Variants in ASCC2 observed in about 807,000 individuals in gnomAD.
The protein encoded by ASCC2 is ASC-1 complex subunit P100.
ASCC2 carries 42 observed loss-of-function variants against 93.5 expected under a neutral mutation model. The observed-to-expected ratio is 0.45, with a 90% confidence interval of 0.35 to 0.58. The LOEUF is 0.58. Ranked by LOEUF, ASCC2 falls within the 20% of genes least tolerant of loss-of-function variation. The pLI, the probability that ASCC2 is intolerant of heterozygous loss-of-function variation, is 0.00. For synonymous variants in ASCC2, 364 were observed against 384.2 expected (o/e 0.95, Z 0.62); for missense variants, 859 against 977.6 (o/e 0.88, Z 1.62).
intron 5 of ASCC2, chr22:29,816,846 A>G (rs2148024012): frequency 1.3e-5 from 2 of 152,282 alleles, no homozygotes; most frequent in East Asian, 3.9e-4. Context: ...GATCACAGCT[A>G]GCTTGGGGAC....
At chr22:29,835,602 T>C (rs1420287302) in intron 1 of ASCC2, among the ~76,000 whole-genome samples, 3 of 152,178 alleles carry the variant, frequency 2.0e-5, no homozygotes, top group Non-Finnish European at 4.4e-5. Context: ...CTCTAACTTT[T>C]GATTGCCTCT....
intron 7 of ASCC2, 83 bp from the exon 8 acceptor site, chr22:29,813,625 G>T: frequency 1.1e-6 from 1 of 924,714 alleles, no homozygotes; most frequent in Non-Finnish European, 1.7e-6. Context: ...CATTAAAACA[G>T]TCAGGGTCCC....
chr22:29,806,089 G>C (rs911350653), intron 12 of ASCC2, 127 bp downstream of exon 12: 4 of 1,019,994 alleles, frequency 3.9e-6, no homozygotes, highest in Non-Finnish European at 3.0e-6. Flanking sequence ...AGGCCACCTC[G>C]GACAGCTGGC....
chr22:29,833,738 TG>T (rs1183469313), intron 1 of ASCC2: 5 of 401,132 alleles, frequency 1.2e-5, no homozygotes, highest in African/African-American at 2.1e-5. Flanking sequence ...AGACAGAGGC[TG>T]GGGTGATTAA....
chr22:29,812,374 CCTTT>C (rs1411918676), intron 8 of ASCC2, among the ~76,000 whole-genome samples: 1 of 152,202 alleles, frequency 6.6e-6, no homozygotes, highest in African/African-American at 2.4e-5. Context: ...CACACCCACC[CCTTT>C]CTTACTGCAC....
chr22:29,791,531 A>C (rs1014395988), intron 18 of ASCC2, among the ~76,000 whole-genome samples: 8 of 152,100 alleles, frequency 5.3e-5, no homozygotes, highest in African/African-American at 1.9e-4. Flanking sequence ...AATACAAAAA[A>C]TTAGCCAGGC....
At position 29,806,797 on chromosome 22, in the gene ASCC2, C is replaced by G; in HGVS notation, c.1016G>C (p.Ser339Thr). 6.2e-7 allele frequency: 1 copy of G among 1,609,010 alleles called. No individual in the cohort carries two copies. The highest frequency in any genetic ancestry group is 8.5e-7 in the Non-Finnish European group (1 of 1,175,394). ...CAGGAGGCAATTCGTGAGGGCTTACCTGCTTTCTAGGATGGGAAGGAGGCA... is the reference window on the plus strand; with the variant it reads ...CAGGAGGCAATTCGTGAGGGCTTACGTGCTTTCTAGGATGGGAAGGAGGCA... ...QICLLPILESSCDNIQGFIEE... is the reference protein window; with the variant it reads ...QICLLPILESTCDNIQGFIEE... The change falls in exon 10 of 20, where the codon AGC (serine) becomes ACC (threonine). Residue 339 changes from serine (S) to threonine (T), a missense_variant and splice_region_variant. Coordinates refer to ENST00000307790, the MANE Select transcript of ASCC2 (RefSeq NM_032204.5).
At position 29,814,635 on chromosome 22, in the gene ASCC2, C is replaced by T. The variant is rs186495427; in HGVS notation, c.720+22G>A. 95 of 1,569,784 alleles carry T rather than the reference C, an allele frequency of 6.1e-5. No individual in the cohort carries two copies. In the African/African-American group the frequency reaches 1.2e-3, roughly 20 times the overall value. ...TTGGAGGGACCCGGCAGGAAAGAGA[C>T]TGGGCCGAAGGGCAACCTTACCAGG... On this transcript the variant is annotated intron_variant, in intron 7 of 19. Transcript: ENST00000307790.
chr22:29,794,085 A>G (rs1007464900), intron 15 of ASCC2, among the ~76,000 whole-genome samples: 1 of 151,574 alleles, frequency 6.6e-6, no homozygotes, highest in African/African-American at 2.4e-5. Flanking sequence ...GAGTTTCACC[A>G]TGTTGGCCAG....
chr22:29,790,509 T>C lies in ASCC2; in HGVS notation c.2062A>G (p.Lys688Glu). Residue 688 changes from lysine (K) to glutamate (E), a missense_variant, in exon 19 of 20, where the codon AAG becomes GAG. Coordinates refer to ENST00000307790, the MANE Select transcript of ASCC2 (RefSeq NM_032204.5). ...AAGGCCATGCGCCTGGCTTCTGCCT[T>C]CTCTCTCAGCACTGCAGGGTCCTGA... The part of the protein sequence containing the change: ...FVQDPAVLRE[K>E]AEARRMAFLA... 2 of 1,614,102 alleles carry C rather than the reference T, an allele frequency of 1.2e-6. No homozygotes were observed. Among genetic ancestry groups the C allele is most frequent in the Non-Finnish European group, 1.7e-6 (2 of 1,180,014 alleles).
intron 14 of ASCC2, among the ~76,000 whole-genome samples, 168 bp downstream of exon 14, chr22:29,801,826 T>A (rs1242256313): frequency 6.6e-6 from 1 of 152,176 alleles, no homozygotes; most frequent in Non-Finnish European, 1.5e-5. Context: ...GAAAAACTCC[T>A]GCGGGGCCTA....
intron 4 of ASCC2, among the ~76,000 whole-genome samples, chr22:29,824,487 A>G (rs931597323): frequency 6.6e-6 from 1 of 151,750 alleles, no homozygotes; most frequent in Non-Finnish European, 1.5e-5. Flanking sequence ...ATGATGGTGC[A>G]TGCCTGTATC....
rs531563352 is a variant in ASCC2, at chr22:29,808,274, A to C, written c.834-89T>G. On this transcript the variant is annotated intron_variant, in intron 8 of 19. Coordinates refer to ENST00000307790, the MANE Select transcript of ASCC2 (RefSeq NM_032204.5). ...TCAAAGCAAACCCCAGGGAGTGGGA[A>C]GGCCCATTTCTTTTTCCACACAATT... 91 of 1,346,394 alleles carry C rather than the reference A, an allele frequency of 6.8e-5. 1 individual carries two copies. In the East Asian group the frequency reaches 7.6e-4, roughly 11 times the overall value. The allele number at this position is 1,346,394 out of a possible 1,614,324, so 83.4% of individuals were successfully genotyped here.
intron 15 of ASCC2, among the ~76,000 whole-genome samples, chr22:29,795,331 G>C (rs1256979057): frequency 6.6e-6 from 1 of 152,016 alleles, no homozygotes; most frequent in Admixed American, 6.6e-5. Context: ...CAAAATGCTG[G>C]GATTACAGGT....
chr22:29,802,292 C>T lies in ASCC2; in HGVS notation c.1354-84G>A, dbSNP rs935190758. On this transcript the variant is annotated intron_variant, in intron 13 of 19. Coordinates refer to ENST00000307790, the MANE Select transcript of ASCC2 (RefSeq NM_032204.5). Reference sequence around the variant, plus strand: ...AGGCCCCAGACAGCACTGGACTAGGCATCAGGGATCTGGTTCAAGTCCTGG... The same window carrying T: ...AGGCCCCAGACAGCACTGGACTAGGTATCAGGGATCTGGTTCAAGTCCTGG... The T allele has an allele frequency of 5.4e-5, 73 of 1,363,494 alleles. No individual in the cohort carries two copies. The Middle Eastern group carries it at 1.0e-3, about 19-fold the overall frequency. The allele number at this position is 1,363,494 out of a possible 1,614,324, so 84.5% of individuals were successfully genotyped here.
At chr22:29,837,075 T>C (rs1281044004) in intron 1 of ASCC2, among the ~76,000 whole-genome samples, 1 of 152,166 alleles carries the variant, frequency 6.6e-6, no homozygotes, top group Non-Finnish European at 1.5e-5. Flanking sequence ...AAGAGAGACC[T>C]GGCTTGAGGA....
At chr22:29,806,718 C>T in intron 10 of ASCC2, 79 bp downstream of exon 10, 2 of 1,470,270 alleles carry the variant, frequency 1.4e-6, no homozygotes, top group Non-Finnish European at 1.9e-6. Context: ...TGGAGGAAGC[C>T]AAGATGAAAT....
At chr22:29,828,146 CA>C in intron 2 of ASCC2, among the ~76,000 whole-genome samples, 1 of 152,334 alleles carries the variant, frequency 6.6e-6, no homozygotes, top group Middle Eastern at 3.4e-3. Context: ...CTTCCCAGAG[CA>C]AGCAGACTTC....
chr22:29,802,201 C>A lies in ASCC2; in HGVS notation c.1361G>T (p.Gly454Val), dbSNP rs1272530856. The change falls in exon 14 of 20, where the codon GGA (glycine) becomes GTA (valine). Residue 454 changes from glycine to valine, a missense_variant. Gly to Val is a moderately radical substitution (Grantham distance 109, BLOSUM62 -3). Coordinates refer to ENST00000307790, the MANE Select transcript of ASCC2 (RefSeq NM_032204.5). ...GGCAGGGCCCACAGCCGCGGCTGCT[C>A]CCATGCACTGTAGTGAGAGCCAGAG... is the stretch of plus-strand genomic sequence containing the variant. ...PENSEEEECMGAAAAVGPAMC... is the reference protein window; with the variant it reads ...PENSEEEECMVAAAAVGPAMC... The A allele has an allele frequency of 4.3e-6, 7 of 1,613,854 alleles. No individual in the cohort carries two copies. Among genetic ancestry groups the A allele is most frequent in the Non-Finnish European group, 5.9e-6 (7 of 1,180,028 alleles).
Sources: allele counts gnomAD v4.1 joint callset (sites outside exome capture counted in the v4.1 genomes callset), GRCh38; gene constraint gnomAD v4.1.1; transcripts MANE v1.5; gene names NCBI Gene and HGNC (gene_info 2026-07-23, HGNC 2026-07-21).